Variants in FRMD3 observed in about 807,000 individuals in gnomAD.
FRMD3 encodes FERM domain containing 3.
Under a neutral mutation model 70.2 loss-of-function variants are expected in FRMD3, and 33 were observed. The observed-to-expected ratio is 0.47, with a 90% CI of 0.36 to 0.63. The LOEUF is 0.63. Among genes scored for constraint, FRMD3 ranks in the 20% least tolerant of loss-of-function variants. The pLI, the probability that FRMD3 is intolerant of heterozygous loss-of-function variation, is 0.00. For synonymous variants in FRMD3, 279 were observed against 255.9 expected (o/e 1.09, Z -0.86); for missense variants, 632 against 711.4 (o/e 0.89, Z 1.27).
At chr9:83,513,309 AGG>A (rs1829380923) in intron 1 of FRMD3, among the ~76,000 whole-genome samples, 3 of 152,238 alleles carry the variant, frequency 2.0e-5, no homozygotes, top group African/African-American at 7.2e-5. Context: ...AAATTCTGGA[AGG>A]TTCCACCCAA....
chr9:83,253,307 T>A (rs190442747), intron 13 of FRMD3, among the ~76,000 whole-genome samples: 12 of 152,324 alleles, frequency 7.9e-5, no homozygotes, highest in African/African-American at 2.9e-4. Context: ...AATCAAGAAG[T>A]TCTTTGAAAC....
chr9:83,437,455 A>G (rs985171127), intron 1 of FRMD3, among the ~76,000 whole-genome samples: 2 of 152,144 alleles, frequency 1.3e-5, no homozygotes, highest in African/African-American at 4.8e-5. Context: ...TTTGTATGAG[A>G]GTCATACTTT....
intron 13 of FRMD3, among the ~76,000 whole-genome samples, chr9:83,256,706 T>C (rs545897483): frequency 4.0e-5 from 6 of 151,436 alleles, no homozygotes; most frequent in African/African-American, 1.5e-4. Flanking sequence ...GCAAAGGATA[T>C]AAACAGACAC....
At chr9:83,431,196 G>A (rs3849868) in intron 1 of FRMD3, among the ~76,000 whole-genome samples, 2 of 152,008 alleles carry the variant, frequency 1.3e-5, no homozygotes, top group African/African-American at 4.8e-5. Context: ...ACATCAGCCA[G>A]TTCAGATGTA....
At chr9:83,344,133 G>A (rs904765037) in intron 4 of FRMD3, among the ~76,000 whole-genome samples, 5 of 152,350 alleles carry the variant, frequency 3.3e-5, no homozygotes, top group Admixed American at 3.3e-4. Context: ...ACTCCACACT[G>A]ATCAAGCTCT....
At chr9:83,473,229 T>G (rs1828313152) in intron 1 of FRMD3, among the ~76,000 whole-genome samples, 1 of 152,076 alleles carries the variant, frequency 6.6e-6, no homozygotes, top group African/African-American at 2.4e-5. Flanking sequence ...TGGCCCACCT[T>G]GCCTCTTCCC....
intron 1 of FRMD3, among the ~76,000 whole-genome samples, chr9:83,471,200 G>A (rs7019064): frequency 0.026 from 3,962 of 152,286 alleles, 167 homozygotes; most frequent in African/African-American, 0.089. Context: ...CACAGAGAAC[G>A]GCTCTGGCCT....
At chr9:83,282,617 A>G (rs1041702698) in intron 13 of FRMD3, among the ~76,000 whole-genome samples, 14 of 152,040 alleles carry the variant, frequency 9.2e-5, no homozygotes, top group African/African-American at 3.4e-4. Flanking sequence ...GTGGTGCTCA[A>G]ATCCAATCTT....
In FRMD3 at chr9:83,406,053, G is replaced by A. The variant is rs373092617; in HGVS notation, c.148-16345C>T. Among the ~76,000 whole-genome samples, 5 of 151,864 alleles carry A rather than the reference G, an allele frequency of 3.3e-5. No individual in the cohort carries two copies. In the South Asian group the frequency reaches 1.0e-3, roughly 32 times the overall value. On this transcript the variant is annotated intron_variant, in intron 1 of 13. Transcript: ENST00000304195. Reference sequence around the variant, plus strand: ...CCTACTGCCCCCTAGCATACATACTGAGAATTTGGCTGTGCCACTAATGCA... The same window carrying A: ...CCTACTGCCCCCTAGCATACATACTAAGAATTTGGCTGTGCCACTAATGCA...
At chr9:83,344,984 T>TA (rs71365308) in intron 4 of FRMD3, among the ~76,000 whole-genome samples, 40,856 of 151,754 alleles carry the variant, frequency 0.27, 6,487 homozygotes, top group Non-Finnish European at 0.35. Flanking sequence ...GGCAAAGAAA[T>TA]AGAGAATCAG....
At chr9:83,348,045 C>G (rs1824018961) in intron 4 of FRMD3, among the ~76,000 whole-genome samples, 1 of 152,138 alleles carries the variant, frequency 6.6e-6, no homozygotes, top group Non-Finnish European at 1.5e-5. Flanking sequence ...CTTTTACTTT[C>G]AAATAGGACT....
intron 13 of FRMD3, among the ~76,000 whole-genome samples, chr9:83,282,014 T>C (rs1414160752): frequency 6.6e-6 from 1 of 152,262 alleles, no homozygotes; most frequent in Admixed American, 6.5e-5. Flanking sequence ...GTTTCTTAGT[T>C]ACCCATTCTG....
chr9:83,400,906 T>G (rs1825934858), intron 1 of FRMD3, among the ~76,000 whole-genome samples: 1 of 152,220 alleles, frequency 6.6e-6, no homozygotes, highest in Non-Finnish European at 1.5e-5. Flanking sequence ...AATATCTGCT[T>G]CTTTTTCTTA....
At position 83,299,193 on chromosome 9, in the gene FRMD3, G is replaced by A. The variant is rs773878690; in HGVS notation, c.927-7C>T. ...CTGACTGGATTTTGCATACCTTTAA[G>A]AAAAAGCAAAGCACAGGTGGTTAGG... is the stretch of plus-strand genomic sequence containing the variant. On this transcript the variant is annotated splice_polypyrimidine_tract_variant and splice_region_variant and intron_variant, in intron 10 of 13. Coordinates refer to ENST00000304195, the MANE Select transcript of FRMD3 (RefSeq NM_174938.6). 1.4e-5 allele frequency: 22 copies of A among 1,602,822 alleles called. No individual in the cohort carries two copies. The highest frequency in any genetic ancestry group is 4.0e-5 in the African/African-American group (3 of 74,408).
At chr9:83,356,993 G>A (rs1824367615) in intron 3 of FRMD3, among the ~76,000 whole-genome samples, 1 of 151,128 alleles carries the variant, frequency 6.6e-6, no homozygotes, top group Admixed American at 6.6e-5. Context: ...AACATGCGAT[G>A]TTTGGTTTTC....
intron 6 of FRMD3, among the ~76,000 whole-genome samples, chr9:83,315,685 A>T (rs1425289816): frequency 6.6e-6 from 1 of 152,168 alleles, no homozygotes; most frequent in Non-Finnish European, 1.5e-5. Flanking sequence ...TGGTACTGTG[A>T]GCCAATTAAA....
intron 12 of FRMD3, among the ~76,000 whole-genome samples, chr9:83,293,350 A>C (rs1458745560): frequency 1.3e-5 from 2 of 152,104 alleles, no homozygotes; most frequent in African/African-American, 4.8e-5. Flanking sequence ...TGGTCTGTGT[A>C]GCTTTCTGAC....
chr9:83,524,007 A>T (rs562671555), intron 1 of FRMD3, among the ~76,000 whole-genome samples: 17 of 152,350 alleles, frequency 1.1e-4, no homozygotes, highest in African/African-American at 3.8e-4. Flanking sequence ...CCTACTCCAC[A>T]GAGTTTATTA....
chr9:83,573,881 G>A, the FRMD3 span, among the ~76,000 whole-genome samples: 1 of 151,832 alleles, frequency 6.6e-6, no homozygotes, highest in Non-Finnish European at 1.5e-5. Flanking sequence ...GTCAAGTTTG[G>A]GTCAATCAAA....
Sources: gnomAD v4.1 joint callset for allele counts (sites outside exome capture counted in the v4.1 genomes callset) on GRCh38, gnomAD v4.1.1 for gene constraint, MANE v1.5 for transcripts, NCBI Gene and HGNC (gene_info 2026-07-23, HGNC 2026-07-21) for gene names.